Variants in CAMTA1 observed in about 807,000 individuals in gnomAD.
CAMTA1 encodes calmodulin binding transcription activator 1.
CAMTA1 carries 27 observed loss-of-function variants against 170.9 expected under a neutral mutation model. The ratio of observed to expected loss-of-function variants is 0.16; its 90% CI spans 0.12 to 0.22. The LOEUF is 0.22. Ranked by LOEUF, CAMTA1 falls within the 10% of genes least tolerant of loss-of-function variation. The pLI, the probability that CAMTA1 is intolerant of heterozygous loss-of-function variation, is 1.00. For missense variants in CAMTA1, 1,619 were observed against 2,217.2 expected (o/e 0.73, Z 5.42); for synonymous variants, 833 against 891.5 (o/e 0.93, Z 1.17).
chr1:6,962,579 T>G, intron 3 of CAMTA1, among the ~76,000 whole-genome samples: 1 of 71,396 alleles, frequency 1.4e-5, no homozygotes. Flanking sequence ...CCTTCCCACC[T>G]GGCCCCACCC....
At chr1:7,026,635 C>CTTTTT (rs540196853) in intron 3 of CAMTA1, among the ~76,000 whole-genome samples, 1 of 116,552 alleles carries the variant, frequency 8.6e-6, no homozygotes, top group African/African-American at 3.4e-5. Flanking sequence ...TGGGTGGCTG[C>CTTTTT]TTTTTTTTTT....
intron 4 of CAMTA1, among the ~76,000 whole-genome samples, chr1:7,132,489 G>T (rs182490170): frequency 6.6e-6 from 1 of 152,290 alleles, no homozygotes; most frequent in African/African-American, 2.4e-5. Context: ...TTCCCAGGAT[G>T]GGGGAATTGA....
intron 15 of CAMTA1, 125 bp from the exon 16 acceptor site, chr1:7,737,834 G>A (rs1457891585): frequency 1.1e-5 from 11 of 959,304 alleles, no homozygotes; most frequent in Non-Finnish European, 1.7e-5. Flanking sequence ...ATATTTAAAT[G>A]TTAGGGACGT....
At chr1:7,340,384 C>T (rs1334743580) in intron 5 of CAMTA1, among the ~76,000 whole-genome samples, 1 of 152,084 alleles carries the variant, frequency 6.6e-6, no homozygotes, top group African/African-American at 2.4e-5. Flanking sequence ...ATGTGAAGTG[C>T]TTCATGCAGC....
At chr1:7,687,206 T>C (rs1179110837) in intron 11 of CAMTA1, among the ~76,000 whole-genome samples, 1 of 151,158 alleles carries the variant, frequency 6.6e-6, no homozygotes, top group Admixed American at 6.6e-5. Context: ...TACCCTGGTA[T>C]GAGGACACCA....
intron 6 of CAMTA1, among the ~76,000 whole-genome samples, chr1:7,521,695 C>T (rs1214184604): frequency 2.6e-5 from 4 of 152,128 alleles, no homozygotes; most frequent in African/African-American, 9.7e-5. Context: ...ATTATAGGCA[C>T]ACGCCACCAT....
At chr1:7,420,013 C>G (rs2091454446) in intron 5 of CAMTA1, among the ~76,000 whole-genome samples, 1 of 152,202 alleles carries the variant, frequency 6.6e-6, no homozygotes, top group Non-Finnish European at 1.5e-5. Flanking sequence ...TCTTTGTTAC[C>G]TGGAGCCATC....
chr1:6,834,629 A>G, intron 3 of CAMTA1: 1 of 159,104 alleles, frequency 6.3e-6, no homozygotes, highest in South Asian at 1.7e-4. Flanking sequence ...GGCTGAGACC[A>G]GAGAGACCTT....
chr1:6,946,993 T>C (rs2149456647), intron 3 of CAMTA1, among the ~76,000 whole-genome samples: 1 of 152,126 alleles, frequency 6.6e-6, no homozygotes, highest in African/African-American at 2.4e-5. Flanking sequence ...TTGTATACAG[T>C]GTGAGGGAGG....
chr1:7,028,152 A>G, intron 3 of CAMTA1, among the ~76,000 whole-genome samples: 1 of 151,918 alleles, frequency 6.6e-6, no homozygotes, highest in East Asian at 1.9e-4. Flanking sequence ...GGATCCACCC[A>G]CCTCAGCCTC....
intron 11 of CAMTA1, among the ~76,000 whole-genome samples, chr1:7,701,580 T>C (rs1539181): frequency 0.44 from 66,155 of 151,602 alleles, 14,834 homozygotes; most frequent in East Asian, 0.65. Flanking sequence ...CACACCCCGC[T>C]AATTTTTTTT....
chr1:7,458,870 A>G lies in CAMTA1; in HGVS notation c.439-8960A>G, dbSNP rs181050841. On this transcript the variant is annotated intron_variant, in intron 5 of 22. Transcript: ENST00000303635. ...AATCTCTGCTGTGACCCAACCCTGG[A>G]GGCTGAATCAGACTGCAATCCATTT... 7.0e-4 allele frequency among the ~76,000 whole-genome samples: 107 copies of G among 152,372 alleles called. No individual in the cohort carries two copies. The East Asian group carries it at 0.014, about 19-fold the overall frequency.
At chr1:7,723,697 G>GCCT (rs1293125619) in intron 11 of CAMTA1, among the ~76,000 whole-genome samples, 1 of 152,188 alleles carries the variant, frequency 6.6e-6, no homozygotes, top group Admixed American at 6.5e-5. Flanking sequence ...TGAGCAGGGT[G>GCCT]CCTCACCTCT....
chr1:7,662,029 G>A (rs1330613075), intron 8 of CAMTA1, among the ~76,000 whole-genome samples, 163 bp downstream of exon 8: 1 of 152,218 alleles, frequency 6.6e-6, no homozygotes, highest in African/African-American at 2.4e-5. Context: ...CAGACACAAG[G>A]CAGGCCTTCC....
At chr1:7,392,444 C>G (rs1001760295) in intron 5 of CAMTA1, among the ~76,000 whole-genome samples, 4 of 149,668 alleles carry the variant, frequency 2.7e-5, no homozygotes, top group African/African-American at 9.8e-5. Context: ...TAGTAGAGTC[C>G]GGGTTTCTCC....
chr1:7,543,552 A>G (rs1475063653), intron 6 of CAMTA1, among the ~76,000 whole-genome samples: 1 of 152,256 alleles, frequency 6.6e-6, no homozygotes, highest in Non-Finnish European at 1.5e-5. Context: ...AAAATATAGC[A>G]GTTCCCGAAC....
At chr1:7,493,005 AC>A (rs2093747406) in intron 6 of CAMTA1, among the ~76,000 whole-genome samples, 1 of 150,970 alleles carries the variant, frequency 6.6e-6, no homozygotes, top group African/African-American at 2.4e-5. Flanking sequence ...GCACACAAAC[AC>A]AAACCTACAA....
chr1:6,931,535 C>T (rs1454180150), intron 3 of CAMTA1, among the ~76,000 whole-genome samples: 9 of 152,186 alleles, frequency 5.9e-5, no homozygotes, highest in African/African-American at 1.9e-4. Context: ...TTTGTACATC[C>T]TCTTCCTTCT....
chr1:6,874,832 C>CA (rs968397501), intron 3 of CAMTA1, among the ~76,000 whole-genome samples: 1 of 152,102 alleles, frequency 6.6e-6, no homozygotes, highest in African/African-American at 2.4e-5. Flanking sequence ...TTCTCGTTCC[C>CA]TTTTACGCTT....
Sources: allele counts gnomAD v4.1 joint callset (sites outside exome capture counted in the v4.1 genomes callset), GRCh38; gene constraint gnomAD v4.1.1; transcripts MANE v1.5; gene names NCBI Gene and HGNC (gene_info 2026-07-23, HGNC 2026-07-21).